MLLT3: variants seen among roughly 807,000 people sequenced by gnomAD.
MLLT3 encodes the protein protein AF-9.
In MLLT3, 4 loss-of-function variants were observed where a neutral mutation model predicts 53.2. The ratio of observed to expected loss-of-function variants is 0.08; its 90% CI spans 0.04 to 0.17. MLLT3 has a LOEUF of 0.17. Among genes scored for constraint, MLLT3 ranks in the 10% least tolerant of loss-of-function variants. The pLI, the probability that MLLT3 is intolerant of heterozygous loss-of-function variation, is 1.00. For missense variants in MLLT3, 569 were observed against 684.0 expected (o/e 0.83, Z 1.87); for synonymous variants, 283 against 230.6 (o/e 1.23, Z -2.06).
At chr9:20,571,478 A>T (rs897995694) in intron 2 of MLLT3, among the ~76,000 whole-genome samples, 6 of 152,246 alleles carry the variant, frequency 3.9e-5, no homozygotes, top group African/African-American at 1.4e-4. Flanking sequence ...TCTGGGATAC[A>T]TGTGCAGAAC....
chr9:20,532,918 C>A, intron 2 of MLLT3: 1 of 254,112 alleles, frequency 3.9e-6, no homozygotes, highest in East Asian at 1.1e-4. Flanking sequence ...GAGAAGAAAG[C>A]TCCCAGCAAA....
At chr9:20,599,987 G>A (rs1563838075) in intron 2 of MLLT3, among the ~76,000 whole-genome samples, 1 of 151,922 alleles carries the variant, frequency 6.6e-6, no homozygotes, top group Non-Finnish European at 1.5e-5. Flanking sequence ...TTCAGAAATT[G>A]CAAGAACACT....
chr9:20,344,293 C>T lies in MLLT3; in HGVS notation c.*2150G>A, dbSNP rs1417971580. ...ACAGAAATAAAAATGGCCCAAACTACATATATACGTTTCTAGTTAAACTAC... is the reference window on the plus strand; with the variant it reads ...ACAGAAATAAAAATGGCCCAAACTATATATATACGTTTCTAGTTAAACTAC... On this transcript the variant is annotated 3_prime_UTR_variant, in exon 11 of 11. Transcript: ENST00000380338. The T allele has an allele frequency of 1.0e-5, 2 of 200,254 alleles. No homozygotes were observed. The highest frequency in any genetic ancestry group is 4.6e-5 in the African/African-American group (2 of 43,566). The allele number at this position is 200,254 out of a possible 1,614,324, so 12.4% of individuals were successfully genotyped here.
chr9:20,353,500 G>A (rs746705503), intron 10 of MLLT3, 25 bp downstream of exon 10: 7 of 1,602,378 alleles, frequency 4.4e-6, no homozygotes, highest in East Asian at 2.2e-5. Flanking sequence ...TTCTGGAAAG[G>A]GTTGTGCTAA....
chr9:20,427,143 G>A (rs1823158375), intron 4 of MLLT3, among the ~76,000 whole-genome samples: 1 of 151,916 alleles, frequency 6.6e-6, no homozygotes, highest in African/African-American at 2.4e-5. Context: ...TGAGGTAAAA[G>A]GACCTTAAAG....
chr9:20,522,374 A>C (rs59868928), intron 2 of MLLT3, among the ~76,000 whole-genome samples: 1 of 152,100 alleles, frequency 6.6e-6, no homozygotes, highest in Non-Finnish European at 1.5e-5. Flanking sequence ...ACATTATTTG[A>C]AAGAAAGCAA....
chr9:20,507,394 C>A (rs1170819248), intron 2 of MLLT3, among the ~76,000 whole-genome samples: 2 of 152,184 alleles, frequency 1.3e-5, no homozygotes, highest in African/African-American at 4.8e-5. Flanking sequence ...CCCAAGTTGA[C>A]TGCAGCCTAG....
intron 5 of MLLT3, among the ~76,000 whole-genome samples, chr9:20,375,009 T>C (rs573518165): frequency 6.6e-6 from 1 of 152,240 alleles, no homozygotes; most frequent in African/African-American, 2.4e-5. Flanking sequence ...TCTTTCTTAC[T>C]ATGTGAGGAC....
At chr9:20,468,784 C>T (rs1273037749) in intron 2 of MLLT3, among the ~76,000 whole-genome samples, 1 of 152,194 alleles carries the variant, frequency 6.6e-6, no homozygotes, top group African/African-American at 2.4e-5. Flanking sequence ...ATATATGTTA[C>T]TTCTACTCTA....
intron 2 of MLLT3, among the ~76,000 whole-genome samples, chr9:20,508,620 C>T (rs1024990012): frequency 5.3e-5 from 8 of 152,142 alleles, no homozygotes; most frequent in Non-Finnish European, 8.8e-5. Context: ...TTTACAAAGT[C>T]AGACTTCATA....
intron 3 of MLLT3, among the ~76,000 whole-genome samples, chr9:20,456,250 A>C (rs1823966114): frequency 6.6e-6 from 1 of 152,158 alleles, no homozygotes; most frequent in South Asian, 2.1e-4. Context: ...GAAAACTTTT[A>C]AATCCAGTAA....
chr9:20,565,170 A>G (rs1247080376), intron 2 of MLLT3, among the ~76,000 whole-genome samples: 2 of 151,950 alleles, frequency 1.3e-5, no homozygotes, highest in Non-Finnish European at 2.9e-5. Context: ...TCTCCCACCA[A>G]TTGGAGGAAT....
In MLLT3 at chr9:20,499,421, C is replaced by A. The variant is rs1023307250; in HGVS notation, c.194-42635G>T. Reference sequence around the variant, plus strand: ...TATGCATGTGTGAGGGGAGAGGGTACACAGGATATTTCTACATCTTCCTCT... The same window carrying A: ...TATGCATGTGTGAGGGGAGAGGGTAAACAGGATATTTCTACATCTTCCTCT... On this transcript the variant is annotated intron_variant, in intron 2 of 10. Coordinates refer to ENST00000380338, the MANE Select transcript of MLLT3 (RefSeq NM_004529.4). Among the ~76,000 whole-genome samples the A allele has an allele frequency of 5.3e-5, 8 of 152,116 alleles. 1 individual carries two copies. Among genetic ancestry groups the A allele is most frequent in the Non-Finnish European group, 1.2e-4 (8 of 68,016 alleles).
At chr9:20,579,321 G>A (rs1230074895) in intron 2 of MLLT3, among the ~76,000 whole-genome samples, 1 of 151,888 alleles carries the variant, frequency 6.6e-6, no homozygotes, top group Non-Finnish European at 1.5e-5. Flanking sequence ...AATGAGCTTT[G>A]AGTAGTACGC....
intron 2 of MLLT3, among the ~76,000 whole-genome samples, chr9:20,552,540 G>A (rs890841494): frequency 1.3e-5 from 2 of 151,960 alleles, no homozygotes; most frequent in African/African-American, 4.8e-5. Context: ...TTGTTGTTGG[G>A]GCAGAATAGA....
At chr9:20,379,092 C>G (rs979802537) in intron 5 of MLLT3, among the ~76,000 whole-genome samples, 5 of 152,008 alleles carry the variant, frequency 3.3e-5, no homozygotes, top group Non-Finnish European at 7.4e-5. Flanking sequence ...CTGCCTTTTA[C>G]CGCCTTTTCT....
intron 2 of MLLT3, among the ~76,000 whole-genome samples, chr9:20,525,126 T>TAAAAAA (rs757232208): frequency 1.8e-5 from 1 of 56,126 alleles, no homozygotes; most frequent in Admixed American, 1.9e-4. Context: ...GAAGAAAGAC[T>TAAAAAA]AAAAAAAAAA....
chr9:20,468,667 T>C (rs564362986), intron 2 of MLLT3, among the ~76,000 whole-genome samples: 18 of 152,228 alleles, frequency 1.2e-4, no homozygotes, highest in Non-Finnish European at 2.6e-4. Flanking sequence ...ACTAGCCATT[T>C]GTCCTTTAAC....
intron 2 of MLLT3, among the ~76,000 whole-genome samples, chr9:20,530,682 A>T (rs1328264296): frequency 6.6e-6 from 1 of 152,202 alleles, no homozygotes; most frequent in Non-Finnish European, 1.5e-5. Context: ...TTGCTTGCAC[A>T]TTTTGGGTTT....
Sources: gnomAD v4.1 joint callset for allele counts (sites outside exome capture counted in the v4.1 genomes callset) on GRCh38, gnomAD v4.1.1 for gene constraint, MANE v1.5 for transcripts, NCBI Gene and HGNC (gene_info 2026-07-23, HGNC 2026-07-21) for gene names.